USP28: variants seen among roughly 807,000 people sequenced by gnomAD.
USP28 encodes the protein ubiquitin carboxyl-terminal hydrolase 28.
A neutral mutation model predicts 145.0 loss-of-function variants in USP28; 113 were observed. The observed-to-expected ratio is 0.78, with a 90% CI of 0.67 to 0.91. The LOEUF (loss-of-function observed/expected upper bound fraction) is 0.91. USP28 is among the 40% of genes least tolerant of loss of function. USP28 has a pLI of 0.00. For missense variants in USP28, 1,201 were observed against 1,289.6 expected, an observed-to-expected ratio of 0.93 and a Z score of 1.05; for synonymous variants, 447 against 450.9, an observed-to-expected ratio of 0.99 and a Z score of 0.11.
At chr11:113,846,890 G>C (rs1224778992) in intron 3 of USP28, among the ~76,000 whole-genome samples, 2 of 152,156 alleles carry the variant, frequency 1.3e-5, no homozygotes, top group African/African-American at 4.8e-5. Context: ...AGCTACTCGG[G>C]AGGCTGAGGC....
intron 12 of USP28, among the ~76,000 whole-genome samples, chr11:113,818,749 T>C (rs1591226842): frequency 6.6e-6 from 1 of 151,980 alleles, no homozygotes; most frequent in Non-Finnish European, 1.5e-5. Context: ...TAGTCCCAGC[T>C]CCTTGGGAGG....
chr11:113,874,681 G>A, intron 1 of USP28: 1 of 1,230,972 alleles, frequency 8.1e-7, no homozygotes, highest in Middle Eastern at 2.5e-4. Context: ...AACACTAGAA[G>A]ACATGCTCAA....
At chr11:113,839,037 T>C (rs1944899424) in intron 5 of USP28, among the ~76,000 whole-genome samples, 1 of 152,200 alleles carries the variant, frequency 6.6e-6, no homozygotes, top group African/African-American at 2.4e-5. Flanking sequence ...AGTGAATTCA[T>C]TCACTCCCTT....
At chr11:113,825,719 GA>G in intron 11 of USP28, among the ~76,000 whole-genome samples, 1 of 152,304 alleles carries the variant, frequency 6.6e-6, no homozygotes, top group East Asian at 1.9e-4. Context: ...TTATCCTAAA[GA>G]AAGGACACAA....
intron 1 of USP28, 75 bp downstream of exon 1, chr11:113,875,370 G>A: frequency 8.9e-7 from 1 of 1,124,308 alleles, no homozygotes; most frequent in Non-Finnish European, 1.1e-6. Flanking sequence ...GCAACCCGCA[G>A]CCCTGCAGGC....
chr11:113,840,464 A>G, intron 5 of USP28, 134 bp downstream of exon 5: 1 of 1,154,000 alleles, frequency 8.7e-7, no homozygotes, highest in Non-Finnish European at 1.2e-6. Flanking sequence ...AAATCCATAC[A>G]CAATAATGCC....
intron 24 of USP28, among the ~76,000 whole-genome samples, chr11:113,799,915 T>C (rs755256163): frequency 2.2e-4 from 33 of 152,160 alleles, no homozygotes; most frequent in Admixed American, 2.0e-4. Flanking sequence ...AAATAAAAAC[T>C]GAAGACAGTA....
intron 5 of USP28, 87 bp downstream of exon 5, chr11:113,840,511 C>T (rs1945079621): frequency 6.7e-7 from 1 of 1,482,788 alleles, no homozygotes; most frequent in Admixed American, 2.1e-5. Context: ...CTATTTTAAT[C>T]CTTTGAAAGC....
At chr11:113,852,887 G>A (rs1300114474) in intron 2 of USP28, among the ~76,000 whole-genome samples, 1 of 152,094 alleles carries the variant, frequency 6.6e-6, no homozygotes, top group Non-Finnish European at 1.5e-5. Context: ...ATGGAGATTT[G>A]TTCCCATTGC....
intron 16 of USP28, among the ~76,000 whole-genome samples, chr11:113,811,615 C>T (rs1940997144): frequency 6.6e-6 from 1 of 151,902 alleles, no homozygotes; most frequent in Non-Finnish European, 1.5e-5. Flanking sequence ...TTCAACCTGG[C>T]AGGCGGAGGT....
chr11:113,829,216 G>T lies in USP28; in HGVS notation c.1040C>A (p.Ser347Ter), dbSNP rs771707478. 6.2e-7 allele frequency: 1 copy of T among 1,613,840 alleles called. No homozygotes were observed. Among genetic ancestry groups the T allele is most frequent in the Non-Finnish European group, 8.5e-7 (1 of 1,179,956 alleles). Residue 347 changes from serine to a stop codon, truncating the protein, a stop_gained, in exon 10 of 25, where the codon TCG (serine) becomes TAG (stop). Transcript: ENST00000003302. LOFTEE classifies it high-confidence loss of function. Reference sequence around the variant, plus strand: ...ACGTACCTCTTGTCCATACTTCACCGAGTGATCGGAGGGAAGAAGCTCAAC... The same window carrying T: ...ACGTACCTCTTGTCCATACTTCACCTAGTGATCGGAGGGAAGAAGCTCAAC...
In USP28 at chr11:113,815,159, T is replaced by C; in HGVS notation, c.1672+15A>G. The stretch of plus-strand genomic sequence containing the variant: ...AAAAAGCAAAGAGTAACTGACAAAT[T>C]TTAAAAGAGCCAACCTTGTATATCT... On this transcript the variant is annotated intron_variant, in intron 14 of 24. Coordinates refer to ENST00000003302, the Ensembl canonical transcript of USP28. The C allele has an allele frequency of 6.2e-7, 1 of 1,610,364 alleles. No homozygotes were observed. The highest frequency in any genetic ancestry group is 1.1e-5 in the South Asian group (1 of 90,302).
At chr11:113,851,587 G>A (rs1946449717) in intron 3 of USP28, among the ~76,000 whole-genome samples, 1 of 152,110 alleles carries the variant, frequency 6.6e-6, no homozygotes, top group Admixed American at 6.5e-5. Flanking sequence ...CCTGAGGTCA[G>A]GAGTTCAAGA....
chr11:113,857,944 C>A (rs1228679601), intron 1 of USP28, among the ~76,000 whole-genome samples: 2 of 152,098 alleles, frequency 1.3e-5, no homozygotes. Context: ...TAGCTCACTG[C>A]AGCCTCGGCA....
chr11:113,808,054 T>A, intron 18 of USP28: 3 of 1,341,336 alleles, frequency 2.2e-6, no homozygotes, highest in Non-Finnish European at 1.9e-6. Flanking sequence ...AGACTCTGCA[T>A]CATTAGCCTT....
intron 4 of USP28, 34 bp from the exon 5 acceptor site, chr11:113,840,791 A>G (rs749085446): frequency 2.6e-5 from 41 of 1,588,452 alleles, no homozygotes; most frequent in Non-Finnish European, 3.3e-5. Flanking sequence ...AGCAAAAAAG[A>G]AAATAGTTAA....
At chr11:113,807,434 A>AG (rs1199797023) in intron 18 of USP28, among the ~76,000 whole-genome samples, 2 of 152,158 alleles carry the variant, frequency 1.3e-5, no homozygotes, top group African/African-American at 4.8e-5. Flanking sequence ...TGAGAGAGAC[A>AG]GAATTCATTA....
intron 12 of USP28, chr11:113,820,726 A>C (rs1457625737): frequency 6.6e-6 from 1 of 152,464 alleles, no homozygotes; most frequent in African/African-American, 2.4e-5. Context: ...TCTAGAGTAG[A>C]ACCTTTCTCT....
At chr11:113,820,745 A>G (rs1156607209) in intron 12 of USP28, 1 of 152,474 alleles carries the variant, frequency 6.6e-6, no homozygotes, top group Non-Finnish European at 1.5e-5. Flanking sequence ...CTTGCCAACA[A>G]TTTTAGCTTC....
Sources: gnomAD v4.1 joint callset for allele counts (sites outside exome capture counted in the v4.1 genomes callset) on GRCh38, gnomAD v4.1.1 for gene constraint, MANE v1.5 for transcripts, NCBI Gene and HGNC (gene_info 2026-07-23, HGNC 2026-07-21) for gene names.